CACNB4: variants seen among roughly 807,000 people sequenced by gnomAD.
The protein encoded by CACNB4 is calcium voltage-gated channel auxiliary subunit beta 4.
Under a neutral mutation model 71.2 loss-of-function variants are expected in CACNB4, and 32 were observed. That is an observed-to-expected ratio of 0.45 (90% CI 0.34 to 0.60). The LOEUF (loss-of-function observed/expected upper bound fraction) is 0.60. Among genes scored for constraint, CACNB4 ranks in the 20% least tolerant of loss-of-function variants. The probability of loss-of-function intolerance (pLI) is 0.01; values close to 1 mark genes in which losing one functional copy is unlikely to be tolerated. For synonymous variants in CACNB4, 231 were observed against 236.9 expected, an observed-to-expected ratio of 0.97 and a Z score of 0.23; for missense variants, 464 against 647.9, an observed-to-expected ratio of 0.72 and a Z score of 3.08.
At chr2:151,840,815 T>C (rs1444918538) in intron 13 of CACNB4, among the ~76,000 whole-genome samples, 2 of 152,160 alleles carry the variant, frequency 1.3e-5, no homozygotes, top group East Asian at 3.8e-4. Flanking sequence ...AAAACAAAAC[T>C]CATCATGATA....
chr2:151,877,985 C>G lies in CACNB4; in HGVS notation c.391-1429G>C, dbSNP rs539537892. Among the ~76,000 whole-genome samples, 3 of 152,198 alleles carry G rather than the reference C, an allele frequency of 2.0e-5. No individual in the cohort carries two copies. In the South Asian group the frequency reaches 6.2e-4, roughly 32 times the overall value. On this transcript the variant is annotated intron_variant, in intron 4 of 13. Coordinates refer to ENST00000539935, the MANE Select transcript of CACNB4 (RefSeq NM_000726.5). ...AGGAAAGGTTTCAGCTAGGTCACTT[C>G]TACAAAATAGATACCAGCTCTATTG...
intron 2 of CACNB4, among the ~76,000 whole-genome samples, chr2:152,001,789 T>C (rs927866955): frequency 6.6e-6 from 1 of 151,694 alleles, no homozygotes; most frequent in African/African-American, 2.4e-5. Context: ...TACATGAGTC[T>C]GGGATGTCAG....
At chr2:151,997,625 G>T (rs1048363862) in intron 2 of CACNB4, among the ~76,000 whole-genome samples, 159 of 152,238 alleles carry the variant, frequency 1.0e-3, no homozygotes, top group African/African-American at 3.7e-3. Flanking sequence ...ATGTAACCAT[G>T]AGCCAAGAAG....
At chr2:152,014,378 C>T (rs186350803) in intron 2 of CACNB4, among the ~76,000 whole-genome samples, 3 of 151,326 alleles carry the variant, frequency 2.0e-5, no homozygotes, top group Admixed American at 2.0e-4. Flanking sequence ...ATTCTTGGTC[C>T]AGTACAGGCC....
intron 2 of CACNB4, among the ~76,000 whole-genome samples, chr2:151,913,839 G>A (rs931086210): frequency 6.6e-6 from 1 of 151,788 alleles, no homozygotes; most frequent in African/African-American, 2.4e-5. Context: ...TCTGCTGAGA[G>A]ATCCATGTTA....
intron 5 of CACNB4, among the ~76,000 whole-genome samples, chr2:151,875,858 T>C (rs373914098): frequency 1.6e-3 from 126 of 77,038 alleles, no homozygotes; most frequent in East Asian, 5.9e-3. Context: ...GACCCCCCCA[T>C]CTCCCTCCCG....
chr2:151,932,502 G>T (rs1481632436), intron 2 of CACNB4, among the ~76,000 whole-genome samples: 1 of 152,150 alleles, frequency 6.6e-6, no homozygotes, highest in Non-Finnish European at 1.5e-5. Context: ...AAAAAGATAT[G>T]TTGAAGTCCT....
chr2:151,875,522 C>T (rs375039385), intron 5 of CACNB4, among the ~76,000 whole-genome samples: 4 of 151,566 alleles, frequency 2.6e-5, no homozygotes, highest in Non-Finnish European at 4.4e-5. Flanking sequence ...ACCTCCCAGA[C>T]GGGGTGGTGG....
chr2:151,927,373 G>A (rs945770106), intron 2 of CACNB4, among the ~76,000 whole-genome samples: 12 of 152,076 alleles, frequency 7.9e-5, no homozygotes, highest in Admixed American at 6.6e-4. Context: ...TGGGCCACTC[G>A]TGCAGTTATA....
At chr2:152,058,305 A>T (rs1171092587) in intron 2 of CACNB4, among the ~76,000 whole-genome samples, 1 of 152,246 alleles carries the variant, frequency 6.6e-6, no homozygotes, top group Non-Finnish European at 1.5e-5. Flanking sequence ...ACACCCAAAA[A>T]TGTGGAAACA....
intron 2 of CACNB4, among the ~76,000 whole-genome samples, chr2:152,007,934 G>A (rs1179062264): frequency 6.6e-6 from 1 of 152,014 alleles, no homozygotes; most frequent in Non-Finnish European, 1.5e-5. Context: ...ACCATGCCCA[G>A]CTAATTTTTG....
At chr2:151,885,252 G>A (rs941664975) in intron 2 of CACNB4, among the ~76,000 whole-genome samples, 4 of 152,140 alleles carry the variant, frequency 2.6e-5, no homozygotes, top group Non-Finnish European at 5.9e-5. Context: ...TATTAAAGAG[G>A]GACAGTGCCT....
chr2:151,919,133 T>A (rs553863466), intron 2 of CACNB4, among the ~76,000 whole-genome samples: 1 of 152,192 alleles, frequency 6.6e-6, no homozygotes, highest in Non-Finnish European at 1.5e-5. Flanking sequence ...CAGTTCTACA[T>A]TGATCTGGGG....
rs565757135 is a variant in CACNB4 at position 152,098,857 on chromosome 2, C to G, written c.63+92G>C. 814 of 1,121,130 alleles carry G rather than the reference C, an allele frequency of 7.3e-4. No individual in the cohort carries two copies. Among genetic ancestry groups the G allele is most frequent in the Admixed American group, 3.3e-3 (111 of 33,870 alleles). 69.4% of individuals were successfully genotyped at this position (1,121,130 alleles called of 1,614,324 possible). A position where few individuals can be genotyped will look rare whatever the true frequency, so the allele number is the denominator to read the frequency against. The stretch of plus-strand genomic sequence containing the variant: ...CGACTCCCGGGACTGGGGCCCCGCA[C>G]GCCCGGCACGAAGGCGGGGCGCGCT... On this transcript the variant is annotated intron_variant, in intron 1 of 13. Coordinates refer to ENST00000539935, the MANE Select transcript of CACNB4 (RefSeq NM_000726.5). The surrounding 1 kb of genome is among the most constrained non-coding windows in gnomAD (Gnocchi z 5.3).
intron 2 of CACNB4, among the ~76,000 whole-genome samples, chr2:151,975,434 T>C (rs1393789848): frequency 6.6e-6 from 1 of 152,202 alleles, no homozygotes; most frequent in South Asian, 2.1e-4. Flanking sequence ...CTGTCAAATA[T>C]AAATGATAGC....
intron 2 of CACNB4, among the ~76,000 whole-genome samples, chr2:151,961,232 C>G (rs2099869570): frequency 6.6e-6 from 1 of 152,194 alleles, no homozygotes; most frequent in African/African-American, 2.4e-5. Context: ...AAAAATTATT[C>G]TGGCCTGGCC....
intron 8 of CACNB4, chr2:151,869,815 C>T (rs1261799096): frequency 5.2e-6 from 1 of 191,376 alleles, no homozygotes; most frequent in African/African-American, 2.3e-5. Context: ...TTAATTCATT[C>T]AGCAAATGTG....
chr2:152,035,630 C>CCTCCCTCT (rs1684533396), intron 2 of CACNB4, among the ~76,000 whole-genome samples: 1 of 93,290 alleles, frequency 1.1e-5, no homozygotes, highest in Non-Finnish European at 2.0e-5. Flanking sequence ...CCTCCCTCTC[C>CCTCCCTCT]CTCTCTCTCT....
chr2:151,925,037 C>T (rs1387917495), intron 2 of CACNB4, among the ~76,000 whole-genome samples: 1 of 152,180 alleles, frequency 6.6e-6, no homozygotes, highest in Non-Finnish European at 1.5e-5. Flanking sequence ...TATTCCTCTG[C>T]CTCTCCCACT....
Sources: gnomAD v4.1 joint callset for allele counts (sites outside exome capture counted in the v4.1 genomes callset) on GRCh38, gnomAD v4.1.1 for gene constraint, Gnocchi (gnomAD v3.1) non-coding constraint, MANE v1.5 for transcripts, NCBI Gene and HGNC (gene_info 2026-07-23, HGNC 2026-07-21) for gene names.